The following VEPH1 variants were observed in gnomAD, a reference collection of about 807,000 sequenced individuals.
The protein encoded by VEPH1 is ventricular zone-expressed PH domain-containing protein homolog 1.
In VEPH1, 80 loss-of-function variants were observed where a neutral mutation model predicts 85.2. That is an observed-to-expected ratio of 0.94 (90% confidence interval 0.78 to 1.13). The LOEUF (loss-of-function observed/expected upper bound fraction) is 1.13. Ranked by LOEUF, VEPH1 falls within the 50% of genes most tolerant of loss-of-function variation. VEPH1 has a pLI of 0.00. For synonymous variants in VEPH1, 297 were observed against 348.0 expected, an observed-to-expected ratio of 0.85 and a Z score of 1.63; for missense variants, 955 against 980.5, an observed-to-expected ratio of 0.97 and a Z score of 0.35.
At chr3:157,490,946 A>G (rs1739163838) in intron 2 of VEPH1, among the ~76,000 whole-genome samples, 1 of 152,248 alleles carries the variant, frequency 6.6e-6, no homozygotes, top group African/African-American at 2.4e-5. Flanking sequence ...CAGCAAAAAT[A>G]AATGAGTTGA....
intron 2 of VEPH1, among the ~76,000 whole-genome samples, chr3:157,491,171 TAA>T (rs1013457332): frequency 2.0e-5 from 3 of 152,200 alleles, no homozygotes; most frequent in African/African-American, 7.2e-5. Flanking sequence ...AGAATTGGAT[TAA>T]AAAGAGACAT....
chr3:157,347,765 C>G lies in VEPH1; in HGVS notation c.1735+15599G>C, dbSNP rs570356102. ...AGATCCGCATCATCCCCTATTGCCA[C>G]CAAAACACCTACAGTCCTCACTACT... On this transcript the variant is annotated intron_variant, in intron 9 of 13. Transcript: ENST00000362010. 3.3e-5 allele frequency among the ~76,000 whole-genome samples: 5 copies of G among 152,322 alleles called. No homozygotes were observed. The East Asian group carries it at 9.6e-4, about 29-fold the overall frequency.
chr3:157,467,210 C>A (rs1433992664), intron 3 of VEPH1, among the ~76,000 whole-genome samples: 1 of 150,452 alleles, frequency 6.6e-6, no homozygotes, highest in African/African-American at 2.5e-5. Context: ...AATGAAATGG[C>A]CAAGGGTGCA....
In VEPH1 at chr3:157,261,206, C is replaced by T; in HGVS notation, c.2430G>A (p.Trp810Ter). The part of the protein sequence containing the change: ...KAKDEKNAEE[W>*]LQCINVAVAQ... ...CAACTGCCACGTTGATGCACTGGAG[C>T]CATTCTTCTGCATTCTTCTCATCCT... The change falls in exon 14 of 14, where the codon TGG becomes TGA. Residue 810 changes from tryptophan to a stop codon, truncating the protein, a stop_gained. Transcript: ENST00000362010. LOFTEE classifies it high-confidence loss of function. 1.6e-5 allele frequency: 26 copies of T among 1,613,818 alleles called. No homozygotes were observed. Among genetic ancestry groups the T allele is most frequent in the Non-Finnish European group, 2.2e-5 (26 of 1,179,792 alleles).
At chr3:157,358,788 G>T (rs1257490200) in intron 9 of VEPH1, among the ~76,000 whole-genome samples, 1 of 152,210 alleles carries the variant, frequency 6.6e-6, no homozygotes, top group Non-Finnish European at 1.5e-5. Context: ...ACGAGGTCAG[G>T]AGATTGAGAC....
chr3:157,441,326 A>G (rs1189349843), intron 4 of VEPH1, among the ~76,000 whole-genome samples: 1 of 152,258 alleles, frequency 6.6e-6, no homozygotes, highest in Non-Finnish European at 1.5e-5. Flanking sequence ...TAAAATAGGA[A>G]TGTAAAAGAC....
intron 4 of VEPH1, among the ~76,000 whole-genome samples, chr3:157,457,379 T>C (rs1422702549): frequency 1.3e-5 from 2 of 152,368 alleles, no homozygotes; most frequent in African/African-American, 4.8e-5. Flanking sequence ...TATTTCTTTC[T>C]CTTTCATGAT....
rs149006640 is a variant in VEPH1, at chr3:157,336,196, A to C, written c.1736-18995T>G. 3.9e-4 allele frequency among the ~76,000 whole-genome samples: 59 copies of C among 152,352 alleles called. No individual in the cohort carries two copies. In the East Asian group the frequency reaches 0.01, roughly 26 times the overall value. On this transcript the variant is annotated intron_variant, in intron 9 of 13. Transcript: ENST00000362010. ...TAAAAGCAGTGAATGTTAAACTGCT[A>C]GTTATTGTTGGCACTATTCTTGTCT... is the stretch of plus-strand genomic sequence containing the variant.
At chr3:157,438,372 A>G (rs1733840666) in intron 4 of VEPH1, among the ~76,000 whole-genome samples, 1 of 151,746 alleles carries the variant, frequency 6.6e-6, no homozygotes, top group Non-Finnish European at 1.5e-5. Flanking sequence ...TTCCCGCACT[A>G]TTTCAGGGCC....
At chr3:157,430,100 G>T (rs2109129171) in intron 4 of VEPH1, among the ~76,000 whole-genome samples, 1 of 152,244 alleles carries the variant, frequency 6.6e-6, no homozygotes, top group African/African-American at 2.4e-5. Flanking sequence ...AATAATATAA[G>T]GAACATTGGT....
At position 157,470,389 on chromosome 3, in the gene VEPH1, G is replaced by C. The variant is rs532806977; in HGVS notation, c.279C>G (p.Asn93Lys). ...VGLWDSCLEH[N>K]LRPFGKDEDT... ...CTTCGTCTTTCCCAAAGGGTCTCAG[G>C]TTATGTTCCAAGCAGGAGTCCCAGA... The change falls in exon 3 of 14, where the codon AAC (asparagine) becomes AAG (lysine). Residue 93 changes from asparagine (N) to lysine (K), a missense_variant. By Grantham distance (94) the Asn-to-Lys change is moderately conservative. Coordinates refer to ENST00000362010, the MANE Select transcript of VEPH1 (RefSeq NM_001167912.2). 17 of 1,613,944 alleles carry C rather than the reference G, an allele frequency of 1.1e-5. No individual in the cohort carries two copies. The East Asian group carries it at 3.6e-4, about 34-fold the overall frequency.
At chr3:157,333,580 T>C (rs905297498) in intron 9 of VEPH1, among the ~76,000 whole-genome samples, 5 of 152,246 alleles carry the variant, frequency 3.3e-5, no homozygotes, top group Non-Finnish European at 2.9e-5. Context: ...AGTTGATTTC[T>C]GGCAACAATA....
intron 2 of VEPH1, among the ~76,000 whole-genome samples, chr3:157,471,616 G>A (rs147095103): frequency 6.2e-4 from 95 of 152,256 alleles, no homozygotes; most frequent in African/African-American, 2.2e-3. Flanking sequence ...TTGCCCAAAA[G>A]TGAGGTTGAA....
chr3:157,425,964 T>A (rs1732724563), intron 5 of VEPH1, among the ~76,000 whole-genome samples: 1 of 152,156 alleles, frequency 6.6e-6, no homozygotes, highest in Admixed American at 6.5e-5. Context: ...CTCATGGTAG[T>A]GAATAAGTCT....
chr3:157,399,893 C>T (rs1379266294), intron 6 of VEPH1, among the ~76,000 whole-genome samples: 4 of 152,094 alleles, frequency 2.6e-5, no homozygotes, highest in East Asian at 3.9e-4. Context: ...CAACTTTGAG[C>T]CGATTTTTAG....
chr3:157,375,330 A>G (rs910083528), intron 7 of VEPH1, among the ~76,000 whole-genome samples: 3 of 152,200 alleles, frequency 2.0e-5, no homozygotes, highest in African/African-American at 7.2e-5. Flanking sequence ...AAGGTCTTGG[A>G]CAATGTCTTG....
chr3:157,469,593 A>C (rs1197751407), intron 3 of VEPH1, among the ~76,000 whole-genome samples: 1 of 152,236 alleles, frequency 6.6e-6, no homozygotes, highest in Non-Finnish European at 1.5e-5. Context: ...GATCATTCAA[A>C]AGGGAAAAAA....
chr3:157,500,078 C>A (rs746322693), intron 1 of VEPH1, among the ~76,000 whole-genome samples: 7 of 152,080 alleles, frequency 4.6e-5, no homozygotes, highest in African/African-American at 1.7e-4. Flanking sequence ...TCGTTATTTG[C>A]TGGGAAGCTA....
intron 9 of VEPH1, among the ~76,000 whole-genome samples, chr3:157,351,852 C>T (rs573799913): frequency 1.8e-4 from 27 of 152,266 alleles, no homozygotes; most frequent in South Asian, 6.2e-4. Context: ...GGCTGACCTG[C>T]GCATTGTAGT....
Sources: allele counts gnomAD v4.1 joint callset (sites outside exome capture counted in the v4.1 genomes callset), GRCh38; gene constraint gnomAD v4.1.1; transcripts MANE v1.5; gene names NCBI Gene and HGNC (gene_info 2026-07-23, HGNC 2026-07-21).